The following METTL6 variants were observed in gnomAD, a reference collection of about 807,000 sequenced individuals.
METTL6 encodes tRNA N(3)-cytidine methyltransferase METTL6.
A neutral mutation model predicts 26.4 loss-of-function variants in METTL6; 22 were observed. That is an observed-to-expected ratio of 0.83 (90% CI 0.59 to 1.19). METTL6 has a LOEUF of 1.19. METTL6 is among the 50% of genes most tolerant of loss of function. The pLI is 0.00. For synonymous variants in METTL6, 109 were observed against 116.2 expected, an observed-to-expected ratio of 0.94 and a Z score of 0.40; for missense variants, 304 against 324.8, an observed-to-expected ratio of 0.94 and a Z score of 0.49.
chr3:15,411,154 C>T lies in METTL6; in HGVS notation c.*102G>A, dbSNP rs540860221. The stretch of plus-strand genomic sequence containing the variant: ...AGATGATCCCCCAACCTCGGCCTCC[C>T]GAAGTGCTGGGATTACAGGCATGAG... On this transcript the variant is annotated 3_prime_UTR_variant, in exon 6 of 6. Coordinates refer to ENST00000383790, the MANE Select transcript of METTL6 (RefSeq NM_152396.4). 70 of 1,337,032 alleles carry T rather than the reference C, an allele frequency of 5.2e-5. 1 individual carries two copies. The East Asian group carries it at 1.2e-3, about 23-fold the overall frequency. The allele number at this position is 1,337,032 out of a possible 1,614,324, so 82.8% of individuals were successfully genotyped here. A position where few individuals can be genotyped will look rare whatever the true frequency, so the allele number is the denominator to read the frequency against.
Position 15,410,522 on chromosome 3 carries a change from A to T in METTL6, c.*734T>A, listed in dbSNP as rs770182292. 1.3e-5 allele frequency among the ~76,000 whole-genome samples: 2 copies of T among 152,006 alleles called. No individual in the cohort carries two copies. Among genetic ancestry groups the T allele is most frequent in the African/African-American group, 4.8e-5 (2 of 41,388 alleles). On this transcript the variant is annotated 3_prime_UTR_variant, in exon 6 of 6. Coordinates refer to ENST00000383790, the MANE Select transcript of METTL6 (RefSeq NM_152396.4). The stretch of plus-strand genomic sequence containing the variant: ...GACAGAGTTTCACCATGTTGCCCAC[A>T]CTGGTCTTGAACTCCTGGGCTCAAG...
In METTL6 at chr3:15,411,237, A is replaced by G; in HGVS notation, c.*19T>C. On this transcript the variant is annotated 3_prime_UTR_variant, in exon 6 of 6. Transcript: ENST00000383790. ...TTTTCCTCTTCAAGGGAAGGTATAA[A>G]TGCCAACCTCATGAAAGGTCAGGAC... The G allele has an allele frequency of 1.2e-6, 2 of 1,602,140 alleles. No individual in the cohort carries two copies. Among genetic ancestry groups the G allele is most frequent in the Non-Finnish European group, 1.7e-6 (2 of 1,176,430 alleles).
At chr3:15,383,573 T>A (rs1222425839) in exon 7 of METTL6, 1 of 152,012 alleles carries the variant, frequency 6.6e-6, no homozygotes, top group Non-Finnish European at 1.5e-5. Flanking sequence ...ATGTTCTCAA[T>A]ACAAAGAAAA....
At chr3:15,409,736 A>T (rs898964277), downstream of METTL6, among the ~76,000 whole-genome samples, 6 of 152,208 alleles carry the variant, frequency 3.9e-5, no homozygotes, top group African/African-American at 1.4e-4. Flanking sequence ...AAGGGGTCTC[A>T]ACAATCAGAT....
chr3:15,417,121 T>C (rs991098843), intron 3 of METTL6, among the ~76,000 whole-genome samples: 6 of 152,152 alleles, frequency 3.9e-5, no homozygotes, highest in African/African-American at 7.2e-5. Context: ...CTATGATCCA[T>C]GCCACTGCAA....
intron 3 of METTL6, among the ~76,000 whole-genome samples, chr3:15,422,188 T>C (rs116052389): frequency 1.2e-3 from 177 of 152,138 alleles, no homozygotes; most frequent in Non-Finnish European, 2.2e-3. Context: ...TAGTTGGGTG[T>C]GGTGGTGTGC....
chr3:15,415,834 T>A lies in METTL6; in HGVS notation c.469A>T (p.Ile157Leu), dbSNP rs759163311. The stretch of plus-strand genomic sequence containing the variant: ...GGATGAACAGCTGACAGCACAAATA[T>A]CAACATAACAACATCCACAGACTCT... ...PPESVDVVMLIFVLSAVHPDK... is the reference protein window; with the variant it reads ...PPESVDVVMLLFVLSAVHPDK... Residue 157 changes from isoleucine to leucine, a missense_variant, in exon 4 of 6, where the codon ATA becomes TTA. Ile to Leu is a conservative substitution (Grantham distance 5). Transcript: ENST00000383790. The A allele has an allele frequency of 6.2e-7, 1 of 1,614,154 alleles. No homozygotes were observed.
chr3:15,415,899 C>T lies in METTL6; in HGVS notation c.404G>A (p.Cys135Tyr), dbSNP rs1158851936. 1.2e-6 allele frequency: 2 copies of T among 1,613,860 alleles called. No individual in the cohort carries two copies. The highest frequency in any genetic ancestry group is 2.7e-5 in the African/African-American group (2 of 74,910). Residue 135 changes from cysteine to tyrosine, a missense_variant, in exon 4 of 6, where the codon TGT becomes TAT. Cys to Tyr is a radical substitution (Grantham distance 194). Coordinates refer to ENST00000383790, the MANE Select transcript of METTL6 (RefSeq NM_152396.4). ...CAGAAGATCATCTTTAGTCAGATCA[C>T]ACTGGAATACCTTGCATCTTTCTGT... ...YDTERCKVFQ[C>Y]DLTKDDLLDH... is the part of the protein sequence containing the mutation.
Position 15,410,320 on chromosome 3 carries a change from C to T in METTL6, c.*936G>A, listed in dbSNP as rs892219466. Among the ~76,000 whole-genome samples the T allele has an allele frequency of 2.0e-5, 3 of 152,018 alleles. No individual in the cohort carries two copies. The highest frequency in any genetic ancestry group is 2.0e-4 in the Admixed American group (3 of 15,252). ...TAAAAGTTATGTGAATGTGATCTTTCAAATTTTTTTTGTTTTTTTTGAGAC... is the reference window on the plus strand; with the variant it reads ...TAAAAGTTATGTGAATGTGATCTTTTAAATTTTTTTTGTTTTTTTTGAGAC... On this transcript the variant is annotated 3_prime_UTR_variant, in exon 6 of 6. Coordinates refer to ENST00000383790, the MANE Select transcript of METTL6 (RefSeq NM_152396.4).
In METTL6 at chr3:15,426,161, G is replaced by T. The variant is rs1403477407; in HGVS notation, c.225+126C>A. 4 of 845,408 alleles carry T rather than the reference G, an allele frequency of 4.7e-6. No individual in the cohort carries two copies. In the South Asian group the frequency reaches 6.8e-5, roughly 14 times the overall value. The allele number at this position is 845,408 out of a possible 1,614,324, so 52.4% of individuals were successfully genotyped here. On this transcript the variant is annotated intron_variant, in intron 2 of 5. Coordinates refer to ENST00000383790, the MANE Select transcript of METTL6 (RefSeq NM_152396.4). ...TCATCATGTTGGCCAGGATGGTCTC[G>T]ATCTCTTGACTTCGTGATCCGCCTG...
chr3:15,413,735 C>A, intron 5 of METTL6: 1 of 1,351,760 alleles, frequency 7.4e-7, no homozygotes. Flanking sequence ...CCTCTTATTC[C>A]AGCACAATTC....
intron 2 of METTL6, 39 bp from the exon 3 acceptor site, chr3:15,425,128 T>G: frequency 6.2e-7 from 1 of 1,604,748 alleles, no homozygotes; most frequent in Non-Finnish European, 8.5e-7. Context: ...ATATCACATT[T>G]GCATAATGAA....
intron 6 of METTL6, among the ~76,000 whole-genome samples, chr3:15,403,896 G>T (rs2124939025): frequency 6.6e-6 from 1 of 152,186 alleles, no homozygotes; most frequent in South Asian, 2.1e-4. Context: ...GATCATAAAG[G>T]GCAACTTCCT....
At chr3:15,403,106 G>A (rs1699692650) in intron 6 of METTL6, among the ~76,000 whole-genome samples, 1 of 152,102 alleles carries the variant, frequency 6.6e-6, no homozygotes, top group Non-Finnish European at 1.5e-5. Flanking sequence ...TTTTGCAAAG[G>A]TGGTTCCAGG....
At chr3:15,427,551 G>A, upstream of METTL6, 1 of 550,904 alleles carries the variant, frequency 1.8e-6, no homozygotes, top group Non-Finnish European at 3.2e-6. Context: ...GAACCCGGAA[G>A]TTCCTACCCG....
rs1283698678 is a variant in METTL6 at position 15,411,383 on chromosome 3, T to C, written c.728A>G (p.Tyr243Cys). The C allele has an allele frequency of 6.2e-7, 1 of 1,614,192 alleles. No individual in the cohort carries two copies. Among genetic ancestry groups the C allele is most frequent in the East Asian group, 2.2e-5 (1 of 44,882 alleles). ...TTTATTCACCGTCTCTCGAAACACATACTCGTTTACCACTTCTTCATAACC... is the reference window on the plus strand; with the variant it reads ...TTTATTCACCGTCTCTCGAAACACACACTCGTTTACCACTTCTTCATAACC... The part of the protein sequence containing the change: ...DTGYEEVVNE[Y>C]VFRETVNKKE... Residue 243 changes from tyrosine to cysteine, a missense_variant, in exon 6 of 6, where the codon TAT becomes TGT. Coordinates refer to ENST00000383790, the MANE Select transcript of METTL6 (RefSeq NM_152396.4).
intron 2 of METTL6, 39 bp downstream of exon 2, chr3:15,426,248 A>C: frequency 1.3e-6 from 2 of 1,582,450 alleles, no homozygotes; most frequent in Non-Finnish European, 1.7e-6. Flanking sequence ...TCACATTTTA[A>C]ATGAAGAACA....
chr3:15,401,998 C>T (rs531396399), intron 6 of METTL6, among the ~76,000 whole-genome samples: 36 of 152,170 alleles, frequency 2.4e-4, no homozygotes, highest in African/African-American at 7.0e-4. Flanking sequence ...GAACTCGCCC[C>T]GAATTCTTTC....
intron 6 of METTL6, among the ~76,000 whole-genome samples, chr3:15,390,237 C>T (rs753531816): frequency 5.9e-5 from 9 of 151,674 alleles, no homozygotes; most frequent in Non-Finnish European, 1.0e-4. Flanking sequence ...AGACCAGCCT[C>T]GCCAACATGG....
Sources: allele counts gnomAD v4.1 joint callset (sites outside exome capture counted in the v4.1 genomes callset), GRCh38; gene constraint gnomAD v4.1.1; transcripts MANE v1.5; gene names NCBI Gene and HGNC (gene_info 2026-07-23, HGNC 2026-07-21).